Variants in MYLK4 observed in about 807,000 individuals in gnomAD.
MYLK4 encodes myosin light chain kinase family member 4, also known as caMLCK like.
MYLK4 carries 46 observed loss-of-function variants against 48.1 expected under a neutral mutation model. The ratio of observed to expected loss-of-function variants is 0.96; its 90% CI spans 0.75 to 1.22. MYLK4 has a LOEUF of 1.22. Among genes scored for constraint, MYLK4 ranks in the 50% most tolerant of loss-of-function variants. The pLI is 0.00. For missense variants in MYLK4, 451 were observed against 486.1 expected (o/e 0.93, Z 0.68); for synonymous variants, 170 against 180.8 (o/e 0.94, Z 0.48).
At chr6:2,763,440 G>C in the MYLK4 span, among the ~76,000 whole-genome samples, 1 of 152,334 alleles carries the variant, frequency 6.6e-6, no homozygotes, top group Middle Eastern at 3.4e-3. Context: ...GTTGGGGGGA[G>C]GCTCAGGCAT....
intron 12 of MYLK4, among the ~76,000 whole-genome samples, chr6:2,669,426 C>G (rs1760794137): frequency 1.3e-5 from 2 of 152,256 alleles, no homozygotes; most frequent in South Asian, 4.1e-4. Flanking sequence ...ATTTCCTCCT[C>G]ATTCCTCCCC....
chr6:2,727,988 T>C (rs1763341292), intron 2 of MYLK4, among the ~76,000 whole-genome samples: 1 of 151,718 alleles, frequency 6.6e-6, no homozygotes, highest in Admixed American at 6.6e-5. Flanking sequence ...TACTTAGGGC[T>C]TACAGTAGCC....
At chr6:2,744,574 C>T (rs1764009994) in intron 2 of MYLK4, among the ~76,000 whole-genome samples, 1 of 152,204 alleles carries the variant, frequency 6.6e-6, no homozygotes, top group Non-Finnish European at 1.5e-5. Context: ...GGAAATGCCA[C>T]CTGGTGTTAA....
At chr6:2,729,550 A>T (rs1273028115) in intron 2 of MYLK4, among the ~76,000 whole-genome samples, 2 of 152,172 alleles carry the variant, frequency 1.3e-5, no homozygotes, top group African/African-American at 4.8e-5. Context: ...TTTTTCCCTT[A>T]GTTCCCCAAC....
chr6:2,758,288 A>G, the MYLK4 span, among the ~76,000 whole-genome samples: 1 of 151,924 alleles, frequency 6.6e-6, no homozygotes, highest in Non-Finnish European at 1.5e-5. Flanking sequence ...CTTAACAACT[A>G]TGAAATGAAG....
intron 2 of MYLK4, among the ~76,000 whole-genome samples, chr6:2,738,521 C>T (rs1466860862): frequency 6.6e-6 from 1 of 152,248 alleles, no homozygotes; most frequent in Non-Finnish European, 1.5e-5. Context: ...TTAGGATTAG[C>T]TTAAAATGCT....
intron 11 of MYLK4, among the ~76,000 whole-genome samples, chr6:2,674,340 G>A (rs191468855): frequency 6.6e-6 from 1 of 152,262 alleles, no homozygotes; most frequent in East Asian, 1.9e-4. Flanking sequence ...CAAGCCAGGT[G>A]AGCACAGAAT....
At chr6:2,696,297 A>C (rs1421467032) in intron 2 of MYLK4, among the ~76,000 whole-genome samples, 2 of 152,232 alleles carry the variant, frequency 1.3e-5, no homozygotes, top group Non-Finnish European at 2.9e-5. Flanking sequence ...GCTAGAACTC[A>C]TTTCAATTTA....
chr6:2,718,556 C>T (rs1226042768), intron 2 of MYLK4, among the ~76,000 whole-genome samples: 2 of 152,214 alleles, frequency 1.3e-5, no homozygotes, highest in African/African-American at 4.8e-5. Flanking sequence ...GGAGCTCCAG[C>T]AGCCACTTTG....
intron 2 of MYLK4, among the ~76,000 whole-genome samples, chr6:2,709,945 C>G (rs962599476): frequency 2.0e-5 from 3 of 152,088 alleles, no homozygotes; most frequent in African/African-American, 7.2e-5. Flanking sequence ...ATCTTCCATA[C>G]TTGAATATAT....
At chr6:2,733,308 T>C (rs918496798) in intron 2 of MYLK4, among the ~76,000 whole-genome samples, 1 of 152,214 alleles carries the variant, frequency 6.6e-6, no homozygotes, top group African/African-American at 2.4e-5. Flanking sequence ...GCACAGCTGA[T>C]GCAAAGGCAG....
intron 2 of MYLK4, among the ~76,000 whole-genome samples, chr6:2,718,648 A>T (rs1249005734): frequency 1.3e-5 from 2 of 152,188 alleles, no homozygotes; most frequent in African/African-American, 4.8e-5. Flanking sequence ...GTGAGGGCCG[A>T]TATCTTTATG....
intron 2 of MYLK4, among the ~76,000 whole-genome samples, chr6:2,737,174 G>T (rs1261956613): frequency 1.3e-5 from 2 of 152,184 alleles, no homozygotes; most frequent in Admixed American, 6.5e-5. Context: ...CTAGCTGCGC[G>T]TGGTGGCGCC....
chr6:2,699,770 T>A (rs900109883), intron 2 of MYLK4, among the ~76,000 whole-genome samples: 4 of 152,172 alleles, frequency 2.6e-5, no homozygotes, highest in African/African-American at 9.7e-5. Context: ...TGTTCGGAGC[T>A]GAGGAGGTTT....
intron 2 of MYLK4, among the ~76,000 whole-genome samples, chr6:2,736,466 A>G (rs1763679289): frequency 1.3e-5 from 2 of 152,260 alleles, no homozygotes; most frequent in South Asian, 4.1e-4. Flanking sequence ...TCTAACCTGC[A>G]TTGAAAATCT....
intron 2 of MYLK4, among the ~76,000 whole-genome samples, chr6:2,719,087 G>A (rs553774405): frequency 3.8e-4 from 58 of 152,278 alleles, no homozygotes; most frequent in African/African-American, 1.3e-3. Flanking sequence ...AAAACGGGGC[G>A]CTCATTTTGA....
chr6:2,756,141 G>A, the MYLK4 span, among the ~76,000 whole-genome samples: 16 of 152,264 alleles, frequency 1.1e-4, no homozygotes, highest in Admixed American at 7.2e-4. Context: ...CACAGAGACT[G>A]TGAAATGATT....
chr6:2,696,466 T>G (rs1420207196), intron 2 of MYLK4, among the ~76,000 whole-genome samples: 2 of 152,246 alleles, frequency 1.3e-5, no homozygotes, highest in Non-Finnish European at 2.9e-5. Flanking sequence ...ATTAGTGCCC[T>G]TATAAGAACC....
chr6:2,765,487 C>T, the MYLK4 span: 6 of 1,162,480 alleles, frequency 5.2e-6, no homozygotes, highest in East Asian at 1.1e-4. Flanking sequence ...CGGCGCCCTC[C>T]TCCGGCCCGC....
Sources: gnomAD v4.1 joint callset for allele counts (sites outside exome capture counted in the v4.1 genomes callset) on GRCh38, gnomAD v4.1.1 for gene constraint, MANE v1.5 for transcripts, NCBI Gene and HGNC (gene_info 2026-07-23, HGNC 2026-07-21) for gene names.